FAT3: variants seen among roughly 807,000 people sequenced by gnomAD.
FAT3 encodes FAT atypical cadherin 3, also known as protocadherin Fat 3.
Under a neutral mutation model 310.2 loss-of-function variants are expected in FAT3, and 95 were observed. The ratio of observed to expected loss-of-function variants is 0.31; its 90% CI spans 0.26 to 0.36. FAT3 has a LOEUF of 0.36. Ranked by LOEUF, FAT3 falls within the 10% of genes least tolerant of loss-of-function variation. The probability of loss-of-function intolerance (pLI) is 1.00; values close to 1 mark genes in which losing one functional copy is unlikely to be tolerated. For missense variants in FAT3, 5,408 were observed against 5,715.6 expected, an observed-to-expected ratio of 0.95 and a Z score of 1.74; for synonymous variants, 2,314 against 2,192.9, an observed-to-expected ratio of 1.06 and a Z score of -1.54.
chr11:92,299,212 A>G (rs1946928351), intron 1 of FAT3, among the ~76,000 whole-genome samples: 1 of 152,062 alleles, frequency 6.6e-6, no homozygotes, highest in Non-Finnish European at 1.5e-5. Context: ...AATCAAACTG[A>G]GCAAATGCAT....
intron 3 of FAT3, among the ~76,000 whole-genome samples, chr11:92,553,010 A>G (rs1455213133): frequency 6.6e-6 from 1 of 152,042 alleles, no homozygotes; most frequent in Non-Finnish European, 1.5e-5. Flanking sequence ...TAGAGGAAAT[A>G]TGGAAGGAAA....
At chr11:92,769,924 C>A (rs1946417581) in intron 6 of FAT3, among the ~76,000 whole-genome samples, 1 of 152,190 alleles carries the variant, frequency 6.6e-6, no homozygotes, top group Non-Finnish European at 1.5e-5. Context: ...GAAGTAGGCC[C>A]ATTGAAGTCT....
At position 92,499,723 on chromosome 11, in the gene FAT3, A is replaced by ATGTGTGTGTGTGTGTGTGTG. The variant is rs61267708; in HGVS notation, c.3293-24898_3293-24879dup. Among the ~76,000 whole-genome samples, 143 of 127,820 alleles carry ATGTGTGTGTGTGTGTGTGTG rather than the reference A, an allele frequency of 1.1e-3. 1 individual carries two copies. The highest frequency in any genetic ancestry group is 3.6e-3 in the African/African-American group (138 of 38,140). 83.9% of individuals were successfully genotyped at this position (127,820 alleles called of 152,430 possible). A position where few individuals can be genotyped will look rare whatever the true frequency, so the allele number is the denominator to read the frequency against. Reference sequence around the variant, plus strand: ...ATCTTGTGTGTGTGTATGTGTGTGTATGTGTGTGTGTGTGTGTGTGTGTGT... The same window carrying ATGTGTGTGTGTGTGTGTGTG: ...ATCTTGTGTGTGTGTATGTGTGTGTATGTGTGTGTGTGTGTGTGTGTGTGTGTGTGTGTGTGTGTGTGTGT... On this transcript the variant is annotated intron_variant, in intron 2 of 27. Coordinates refer to ENST00000525166, the MANE Select transcript of FAT3 (RefSeq NM_001367949.2).
intron 2 of FAT3, chr11:92,366,533 A>G: frequency 2.0e-6 from 1 of 489,734 alleles, no homozygotes; most frequent in South Asian, 1.6e-5. Flanking sequence ...CGCAGCTTCC[A>G]TGGCTTTACC....
At chr11:92,870,424 C>T (rs573439319) in intron 22 of FAT3, among the ~76,000 whole-genome samples, 1 of 151,750 alleles carries the variant, frequency 6.6e-6, no homozygotes, top group Non-Finnish European at 1.5e-5. Context: ...ATAAATATGA[C>T]TCTATAAACC....
At chr11:92,543,500 T>A (rs961078481) in intron 3 of FAT3, among the ~76,000 whole-genome samples, 3 of 152,202 alleles carry the variant, frequency 2.0e-5, no homozygotes, top group African/African-American at 7.2e-5. Context: ...GAAATCTAGG[T>A]GACTAAACCA....
At chr11:92,726,901 A>T (rs542889784) in intron 4 of FAT3, among the ~76,000 whole-genome samples, 1 of 152,068 alleles carries the variant, frequency 6.6e-6, no homozygotes, top group African/African-American at 2.4e-5. Context: ...AGAACAGGAC[A>T]CTATCACATT....
chr11:92,439,176 G>A (rs1027891538), intron 2 of FAT3, among the ~76,000 whole-genome samples: 3 of 152,064 alleles, frequency 2.0e-5, no homozygotes, highest in Non-Finnish European at 4.4e-5. Context: ...AGGAACCGTT[G>A]TTGCACAAAT....
chr11:92,830,744 AC>A (rs1948224847), intron 13 of FAT3, among the ~76,000 whole-genome samples: 1 of 151,792 alleles, frequency 6.6e-6, no homozygotes, highest in Non-Finnish European at 1.5e-5. Flanking sequence ...GCTAATGACA[AC>A]CCCCTCTTTC....
chr11:92,679,462 T>C (rs1374358746), intron 3 of FAT3, among the ~76,000 whole-genome samples: 1 of 152,080 alleles, frequency 6.6e-6, no homozygotes, highest in Non-Finnish European at 1.5e-5. Context: ...CATCAACACC[T>C]AGTATTTTTT....
chr11:92,477,113 G>A (rs1234136601), intron 2 of FAT3, among the ~76,000 whole-genome samples: 3 of 152,164 alleles, frequency 2.0e-5, no homozygotes, highest in Non-Finnish European at 2.9e-5. Flanking sequence ...TGAATCCAAC[G>A]GGACCATAAA....
intron 3 of FAT3, among the ~76,000 whole-genome samples, chr11:92,589,861 A>C (rs553640362): frequency 6.6e-6 from 1 of 152,208 alleles, no homozygotes; most frequent in East Asian, 1.9e-4. Flanking sequence ...ACAGGAAATC[A>C]ATCTTGTACC....
intron 1 of FAT3, among the ~76,000 whole-genome samples, chr11:92,262,865 A>T (rs1292074874): frequency 6.6e-6 from 1 of 152,136 alleles, no homozygotes; most frequent in Non-Finnish European, 1.5e-5. Flanking sequence ...GATGCTTGCC[A>T]GTGCTGTCAT....
At chr11:92,370,010 C>A (rs1366700986) in intron 2 of FAT3, among the ~76,000 whole-genome samples, 1 of 152,124 alleles carries the variant, frequency 6.6e-6, no homozygotes, top group African/African-American at 2.4e-5. Flanking sequence ...ATACCAGTAT[C>A]CAGGAAGCAC....
chr11:92,467,908 G>C (rs558948840), intron 2 of FAT3, among the ~76,000 whole-genome samples: 3 of 152,238 alleles, frequency 2.0e-5, no homozygotes, highest in Non-Finnish European at 4.4e-5. Context: ...AAAACCACTG[G>C]GGTCAGATGT....
chr11:92,271,385 C>T (rs1209537738), intron 1 of FAT3, among the ~76,000 whole-genome samples: 1 of 152,128 alleles, frequency 6.6e-6, no homozygotes, highest in East Asian at 1.9e-4. Context: ...TCTTCATTTA[C>T]TCACTCCCCT....
At chr11:92,626,712 A>G (rs1941353508) in intron 3 of FAT3, among the ~76,000 whole-genome samples, 2 of 152,164 alleles carry the variant, frequency 1.3e-5, no homozygotes, top group Admixed American at 6.5e-5. Flanking sequence ...GGAGAGGTTT[A>G]GATTTTCTCC....
chr11:92,847,574 G>C (rs1014165332), intron 19 of FAT3, among the ~76,000 whole-genome samples: 1 of 152,190 alleles, frequency 6.6e-6, no homozygotes, highest in Non-Finnish European at 1.5e-5. Context: ...TCAGACTCCT[G>C]TGTGCATGGG....
At chr11:92,614,237 A>G (rs1418831592) in intron 3 of FAT3, among the ~76,000 whole-genome samples, 1 of 152,178 alleles carries the variant, frequency 6.6e-6, no homozygotes, top group Admixed American at 6.5e-5. Flanking sequence ...GTGTGAATAC[A>G]TATTTTCATT....
Sources: allele counts gnomAD v4.1 joint callset (sites outside exome capture counted in the v4.1 genomes callset), GRCh38; gene constraint gnomAD v4.1.1; transcripts MANE v1.5; gene names NCBI Gene and HGNC (gene_info 2026-07-23, HGNC 2026-07-21).